ARHGAP31: variants seen among roughly 807,000 people sequenced by gnomAD.
ARHGAP31 encodes Rho GTPase activating protein 31.
In ARHGAP31, 34 loss-of-function variants were observed where a neutral mutation model predicts 113.9. That is an observed-to-expected ratio of 0.30 (90% CI 0.23 to 0.40). The LOEUF is 0.40. Ranked by LOEUF, ARHGAP31 falls within the 10% of genes least tolerant of loss-of-function variation. The pLI is 1.00. For missense variants in ARHGAP31, 1,548 were observed against 1,767.1 expected (o/e 0.88, Z 2.22); for synonymous variants, 650 against 684.8 (o/e 0.95, Z 0.79).
intron 8 of ARHGAP31, among the ~76,000 whole-genome samples, chr3:119,394,770 C>G (rs1017935244): frequency 1.3e-5 from 2 of 151,922 alleles, no homozygotes; most frequent in Non-Finnish European, 2.9e-5. Flanking sequence ...GCCTGAGGAA[C>G]ATAGCAAAAC....
intron 3 of ARHGAP31, among the ~76,000 whole-genome samples, chr3:119,373,442 T>TTG (rs2080320161): frequency 5.3e-5 from 8 of 150,076 alleles, no homozygotes; most frequent in Non-Finnish European, 1.2e-4. Context: ...GGCTTTTTTT[T>TTG]TTGTTGTTGT....
At chr3:119,300,852 AAGAAAGAAAG>A (rs1389338194) in intron 1 of ARHGAP31, among the ~76,000 whole-genome samples, 1 of 138,834 alleles carries the variant, frequency 7.2e-6, no homozygotes, top group East Asian at 1.9e-4. Context: ...AAAAGAAAGA[AAGAAAGAAAG>A]AAAGAAAGAA....
chr3:119,297,896 C>T (rs1333480997), intron 1 of ARHGAP31, among the ~76,000 whole-genome samples: 1 of 140,138 alleles, frequency 7.1e-6, no homozygotes, highest in East Asian at 2.0e-4. Flanking sequence ...GAAACAGAAA[C>T]CCTTTCCTTA....
chr3:119,391,099 T>C, intron 7 of ARHGAP31, 116 bp downstream of exon 7: 2 of 1,194,658 alleles, frequency 1.7e-6, no homozygotes, highest in Non-Finnish European at 1.2e-6. Flanking sequence ...ACCGTCTGGG[T>C]TGGGGTTTAA....
At chr3:119,407,815 C>T (rs893539559) in intron 10 of ARHGAP31, among the ~76,000 whole-genome samples, 1 of 152,144 alleles carries the variant, frequency 6.6e-6, no homozygotes, top group East Asian at 1.9e-4. Context: ...AGACATGTGG[C>T]TGGGCCAGCA....
chr3:119,317,970 TTTC>T (rs2079748496), intron 1 of ARHGAP31, among the ~76,000 whole-genome samples: 1 of 152,180 alleles, frequency 6.6e-6, no homozygotes, highest in Non-Finnish European at 1.5e-5. Flanking sequence ...ATTGCTGTTC[TTTC>T]AGCTGAAGAG....
At chr3:119,329,749 C>G in intron 1 of ARHGAP31, 1 of 962,672 alleles carries the variant, frequency 1.0e-6, no homozygotes, top group Non-Finnish European at 1.2e-6. Flanking sequence ...TGCCCGCTCA[C>G]AGAGCTCACG....
intron 1 of ARHGAP31, among the ~76,000 whole-genome samples, chr3:119,336,984 A>T (rs1252553858): frequency 6.6e-6 from 1 of 152,244 alleles, no homozygotes; most frequent in Non-Finnish European, 1.5e-5. Flanking sequence ...TTATGTTAGT[A>T]CTTAAGTCCT....
At chr3:119,413,263 G>A (rs2080733652) in intron 11 of ARHGAP31, among the ~76,000 whole-genome samples, 1 of 149,434 alleles carries the variant, frequency 6.7e-6, no homozygotes, top group South Asian at 2.1e-4. Context: ...GTTGCAGTGA[G>A]CTGAGATCAC....
rs540867190 is a variant in ARHGAP31 at position 119,347,925 on chromosome 3, A to G, written c.101-17391A>G. Among the ~76,000 whole-genome samples the G allele has an allele frequency of 8.5e-5, 13 of 152,382 alleles. No homozygotes were observed. In the East Asian group the frequency reaches 2.5e-3, roughly 29 times the overall value. On this transcript the variant is annotated intron_variant, in intron 1 of 11. Coordinates refer to ENST00000264245, the MANE Select transcript of ARHGAP31 (RefSeq NM_020754.4). Reference sequence around the variant, plus strand: ...ATTCAGATTCTCTAATTCTAGGAATAAGAGTGTCTGTATGATAAACTAGCA... The same window carrying G: ...ATTCAGATTCTCTAATTCTAGGAATGAGAGTGTCTGTATGATAAACTAGCA...
At chr3:119,310,605 G>A (rs1375465890) in intron 1 of ARHGAP31, among the ~76,000 whole-genome samples, 3 of 152,196 alleles carry the variant, frequency 2.0e-5, no homozygotes, top group Admixed American at 2.0e-4. Context: ...TTAGGTTGCA[G>A]GTTCCTTATA....
chr3:119,318,649 C>T lies in ARHGAP31; in HGVS notation c.100+23645C>T, dbSNP rs551297200. On this transcript the variant is annotated intron_variant, in intron 1 of 11. Transcript: ENST00000264245. ...AGGGTAGAAATTCACAACTAATATA[C>T]TTACTTACTTTACCTAGACTTTCTC... is the stretch of plus-strand genomic sequence containing the variant. Among the ~76,000 whole-genome samples, 6 of 152,256 alleles carry T rather than the reference C, an allele frequency of 3.9e-5. No individual in the cohort carries two copies. The South Asian group carries it at 1.2e-3, about 32-fold the overall frequency.
Position 119,365,384 on chromosome 3 carries a change from C to T in ARHGAP31, c.169C>T (p.Leu57Phe). 6.2e-7 allele frequency: 1 copy of T among 1,614,108 alleles called. No individual in the cohort carries two copies. Residue 57 changes from leucine (L) to phenylalanine (F), a missense_variant, in exon 2 of 12, where the codon CTT (leucine) becomes TTT (phenylalanine). Leu to Phe is a conservative substitution (Grantham distance 22). Transcript: ENST00000264245. ...THGIVDGIYR[L>F]SGVTSNIQRL... is the part of the protein sequence containing the mutation. ...CGGCATCGTGGATGGAATCTATCGG[C>T]TTTCAGGAGTCACCTCAAACATACA... is the stretch of plus-strand genomic sequence containing the variant.
At chr3:119,363,616 C>G (rs1459126321) in intron 1 of ARHGAP31, among the ~76,000 whole-genome samples, 6 of 152,094 alleles carry the variant, frequency 3.9e-5, no homozygotes, top group Non-Finnish European at 8.8e-5. Context: ...TTGAAGGCCA[C>G]AAGGGAAAGG....
chr3:119,311,292 C>G (rs1380385075), intron 1 of ARHGAP31, among the ~76,000 whole-genome samples: 1 of 152,158 alleles, frequency 6.6e-6, no homozygotes, highest in Non-Finnish European at 1.5e-5. Context: ...TCTGCAGGCT[C>G]TAAGGGAGAA....
chr3:119,386,979 G>T (rs1166596303), intron 6 of ARHGAP31, among the ~76,000 whole-genome samples: 1 of 152,192 alleles, frequency 6.6e-6, no homozygotes, highest in South Asian at 2.1e-4. Context: ...CTAGGAGTGT[G>T]ACCACTGAAG....
chr3:119,403,480 C>T (rs1378145404), intron 10 of ARHGAP31, among the ~76,000 whole-genome samples: 1 of 152,162 alleles, frequency 6.6e-6, no homozygotes, highest in Non-Finnish European at 1.5e-5. Flanking sequence ...ATGATCCCTT[C>T]CCCACAGTGA....
At chr3:119,391,130 G>A (rs930813752) in intron 7 of ARHGAP31, 147 bp downstream of exon 7, 4 of 895,462 alleles carry the variant, frequency 4.5e-6, no homozygotes, top group African/African-American at 1.6e-5. Context: ...CAGAAGAGAA[G>A]GGAGCTGTCT....
At chr3:119,401,427 C>T (rs1400270379) in intron 9 of ARHGAP31, among the ~76,000 whole-genome samples, 3 of 152,024 alleles carry the variant, frequency 2.0e-5, no homozygotes, top group African/African-American at 4.8e-5. Context: ...TCCTTTTTGT[C>T]TTCTTCATTT....
Sources: allele counts gnomAD v4.1 joint callset (sites outside exome capture counted in the v4.1 genomes callset), GRCh38; gene constraint gnomAD v4.1.1; transcripts MANE v1.5; gene names NCBI Gene and HGNC (gene_info 2026-07-23, HGNC 2026-07-21).